The following MED27 variants were observed in gnomAD, a reference collection of about 807,000 sequenced individuals.
The protein encoded by MED27 is mediator complex subunit 27, also known as mediator of RNA polymerase II transcription subunit 27.
Under a neutral mutation model 38.2 loss-of-function variants are expected in MED27, and 30 were observed. That is an observed-to-expected ratio of 0.79 (90% confidence interval 0.59 to 1.07). MED27 has a LOEUF of 1.07. Ranked by LOEUF, MED27 falls within the 50% of genes least tolerant of loss-of-function variation. MED27 has a pLI of 0.00. For synonymous variants in MED27, 122 were observed against 153.5 expected (o/e 0.79, Z 1.52); for missense variants, 289 against 397.5 (o/e 0.73, Z 2.32).
intron 3 of MED27, among the ~76,000 whole-genome samples, chr9:131,999,441 T>C (rs1210816601): frequency 6.6e-6 from 1 of 152,148 alleles, no homozygotes; most frequent in Non-Finnish European, 1.5e-5. Flanking sequence ...ACAAGGTTTC[T>C]AAGGGACAAA....
chr9:132,078,142 A>C (rs1438494538), intron 1 of MED27, among the ~76,000 whole-genome samples: 2 of 152,218 alleles, frequency 1.3e-5, no homozygotes, highest in Non-Finnish European at 2.9e-5. Context: ...AAACAAACAC[A>C]CTTCAGTCTA....
intron 5 of MED27, among the ~76,000 whole-genome samples, chr9:131,888,908 G>A (rs900090732): frequency 6.6e-6 from 1 of 152,142 alleles, no homozygotes; most frequent in Non-Finnish European, 1.5e-5. Flanking sequence ...CTTTCAATCA[G>A]GACATGCATT....
At chr9:131,950,458 T>G (rs533384750) in intron 3 of MED27, among the ~76,000 whole-genome samples, 4 of 152,340 alleles carry the variant, frequency 2.6e-5, no homozygotes, top group South Asian at 2.1e-4. Context: ...AATGCTCGGA[T>G]GTGGTGACTG....
chr9:132,009,284 G>T (rs992969714), intron 3 of MED27, among the ~76,000 whole-genome samples: 4 of 152,198 alleles, frequency 2.6e-5, no homozygotes, highest in African/African-American at 7.2e-5. Flanking sequence ...CGATGTGATG[G>T]TTTTAAAATA....
At chr9:132,023,046 T>C (rs1362098955) in intron 2 of MED27, among the ~76,000 whole-genome samples, 4 of 152,306 alleles carry the variant, frequency 2.6e-5, no homozygotes. Context: ...TAGTAAAAGT[T>C]GAAATCAAAT....
intron 3 of MED27, among the ~76,000 whole-genome samples, chr9:131,966,650 A>C (rs916701344): frequency 6.6e-6 from 1 of 152,142 alleles, no homozygotes; most frequent in East Asian, 1.9e-4. Flanking sequence ...GGAGTCTGTC[A>C]GTCACTATAC....
At chr9:131,986,572 C>T (rs1466279649) in intron 3 of MED27, among the ~76,000 whole-genome samples, 2 of 152,184 alleles carry the variant, frequency 1.3e-5, no homozygotes, top group East Asian at 1.9e-4. Context: ...CATTGTCTTA[C>T]ACTGCCTTTA....
At chr9:131,933,932 T>C (rs937905531) in intron 4 of MED27, among the ~76,000 whole-genome samples, 1 of 152,002 alleles carries the variant, frequency 6.6e-6, no homozygotes, top group Non-Finnish European at 1.5e-5. Flanking sequence ...AAAAGACACA[T>C]AGATCAATGG....
intron 5 of MED27, among the ~76,000 whole-genome samples, chr9:131,890,585 C>T (rs1448374263): frequency 6.6e-6 from 1 of 152,190 alleles, no homozygotes; most frequent in African/African-American, 2.4e-5. Flanking sequence ...CTTTCCATTC[C>T]AGCTTAAGCA....
rs538928959 is a variant in MED27 at position 132,019,421 on chromosome 9, T to G, written c.349-4954A>C. 7.9e-5 allele frequency among the ~76,000 whole-genome samples: 12 copies of G among 152,334 alleles called. No homozygotes were observed. The East Asian group carries it at 1.9e-3, about 24-fold the overall frequency. ...AGCAAACACACTGCTTTCTAGGTGC[T>G]CACTGTCAAGATAGAACCACAGAAG... On this transcript the variant is annotated intron_variant, in intron 2 of 7. Transcript: ENST00000292035.
At chr9:131,956,896 C>CTTG (rs1831116174) in intron 3 of MED27, among the ~76,000 whole-genome samples, 1 of 151,120 alleles carries the variant, frequency 6.6e-6, no homozygotes, top group Non-Finnish European at 1.5e-5. Context: ...TGAACAGATA[C>CTTG]TTACTTTGTA....
At position 131,868,764 on chromosome 9, in the gene MED27, G is replaced by A. The variant is rs554832100; in HGVS notation, c.724-5624C>T. The A allele has an allele frequency of 2.5e-5, 25 of 985,488 alleles. No homozygotes were observed. The African/African-American group carries it at 4.4e-4, about 17-fold the overall frequency. 61.0% of individuals were successfully genotyped at this position (985,488 alleles called of 1,614,324 possible). The stretch of plus-strand genomic sequence containing the variant: ...CAGATAAAGGTGCAGGCCCAGGGCT[G>A]TGGCCAGCAGCTGCCCGCCATCTCC... On this transcript the variant is annotated intron_variant, in intron 6 of 7. Coordinates refer to ENST00000292035, the MANE Select transcript of MED27 (RefSeq NM_004269.4).
rs201200656 is a variant in MED27, at chr9:132,067,710, TTTG to T, written c.348+9729_348+9731del. ...GCAACAAATTTAGCAAAATGTTCTT[TTTG>T]TTGTTGTTGTTGTTTTGAGACGGAG... On this transcript the variant is annotated intron_variant, in intron 2 of 7. Coordinates refer to ENST00000292035, the MANE Select transcript of MED27 (RefSeq NM_004269.4). 1.2e-4 allele frequency among the ~76,000 whole-genome samples: 19 copies of T among 152,152 alleles called. No homozygotes were observed. In the South Asian group the frequency reaches 3.1e-3, roughly 25 times the overall value.
At chr9:132,022,373 A>G (rs1832735389) in intron 2 of MED27, among the ~76,000 whole-genome samples, 1 of 152,232 alleles carries the variant, frequency 6.6e-6, no homozygotes. Context: ...AGAATGACAC[A>G]TCTCAGGATT....
At chr9:131,915,404 T>C (rs1022738005) in intron 4 of MED27, among the ~76,000 whole-genome samples, 2 of 152,186 alleles carry the variant, frequency 1.3e-5, no homozygotes, top group Admixed American at 6.5e-5. Context: ...TGATCAATAA[T>C]GAGTCACCTT....
At chr9:131,999,996 A>G (rs1286423448) in intron 3 of MED27, among the ~76,000 whole-genome samples, 2 of 152,122 alleles carry the variant, frequency 1.3e-5, no homozygotes, top group Admixed American at 6.5e-5. Context: ...TACAAAATCA[A>G]TCTAAGACAG....
chr9:131,902,729 A>G (rs1361580775), intron 4 of MED27, among the ~76,000 whole-genome samples: 1 of 152,330 alleles, frequency 6.6e-6, no homozygotes, highest in African/African-American at 2.4e-5. Context: ...CCGTGTCCAG[A>G]CTAGACTCCA....
At chr9:131,980,564 C>T (rs535295138) in intron 3 of MED27, among the ~76,000 whole-genome samples, 1 of 152,306 alleles carries the variant, frequency 6.6e-6, no homozygotes, top group South Asian at 2.1e-4. Flanking sequence ...TAATACATCA[C>T]TCTTCACTTA....
At chr9:132,048,085 A>C (rs1223458233) in intron 2 of MED27, among the ~76,000 whole-genome samples, 1 of 152,186 alleles carries the variant, frequency 6.6e-6, no homozygotes, top group African/African-American at 2.4e-5. Context: ...ATTATAGATA[A>C]CTTTTTTCTT....
Sources: gnomAD v4.1 joint callset for allele counts (sites outside exome capture counted in the v4.1 genomes callset) on GRCh38, gnomAD v4.1.1 for gene constraint, MANE v1.5 for transcripts, NCBI Gene and HGNC (gene_info 2026-07-23, HGNC 2026-07-21) for gene names.